Variants in MED12L observed in about 807,000 individuals in gnomAD.
MED12L encodes the protein mediator complex subunit 12L.
A neutral mutation model predicts 281.3 loss-of-function variants in MED12L; 60 were observed. That is an observed-to-expected ratio of 0.21 (90% confidence interval 0.17 to 0.26). MED12L has a LOEUF of 0.26. MED12L is among the 10% of genes least tolerant of loss of function. MED12L has a pLI of 1.00. For missense variants in MED12L, 2,146 were observed against 2,680.9 expected, an observed-to-expected ratio of 0.80 and a Z score of 4.41; for synonymous variants, 974 against 987.2, an observed-to-expected ratio of 0.99 and a Z score of 0.25.
chr3:151,155,188 T>A (rs1719114117), intron 5 of MED12L, among the ~76,000 whole-genome samples: 1 of 152,176 alleles, frequency 6.6e-6, no homozygotes, highest in South Asian at 2.1e-4. Context: ...CAGCATTGTG[T>A]GGTAATGTTT....
chr3:151,195,405 A>T (rs1222802198), intron 16 of MED12L, among the ~76,000 whole-genome samples: 1 of 152,046 alleles, frequency 6.6e-6, no homozygotes, highest in Non-Finnish European at 1.5e-5. Context: ...TTGTCAAATT[A>T]TCAAACCCAT....
At chr3:151,131,921 A>G (rs1715458261) in intron 5 of MED12L, among the ~76,000 whole-genome samples, 1 of 152,198 alleles carries the variant, frequency 6.6e-6, no homozygotes, top group Admixed American at 6.5e-5. Context: ...ATGGATTATT[A>G]GGTTTAGTCA....
chr3:151,261,211 A>G (rs1738816591), intron 16 of MED12L, among the ~76,000 whole-genome samples: 1 of 152,098 alleles, frequency 6.6e-6, no homozygotes, highest in Non-Finnish European at 1.5e-5. Context: ...CAGATTAGAG[A>G]GGTATTTTGC....
intron 11 of MED12L, 128 bp downstream of exon 11, chr3:151,166,110 G>A (rs1720684885): frequency 2.9e-6 from 2 of 692,048 alleles, no homozygotes; most frequent in Non-Finnish European, 4.6e-6. Flanking sequence ...ATACACACTT[G>A]AAATCATTCT....
intron 24 of MED12L, 115 bp from the exon 25 acceptor site, chr3:151,368,035 C>A (rs543180307): frequency 1.5e-5 from 14 of 941,212 alleles, no homozygotes; most frequent in African/African-American, 1.4e-4. Flanking sequence ...TATTTTCTTA[C>A]CATAAGGAAA....
chr3:151,114,785 G>C (rs1271496131), intron 2 of MED12L, among the ~76,000 whole-genome samples: 2 of 151,222 alleles, frequency 1.3e-5, no homozygotes, highest in African/African-American at 4.9e-5. Flanking sequence ...TAAAGCCTTG[G>C]GTTATTTTTG....
At chr3:151,294,300 A>G (rs1453957585) in intron 16 of MED12L, 2 of 1,614,158 alleles carry the variant, frequency 1.2e-6, no homozygotes, top group South Asian at 1.1e-5. Flanking sequence ...CTACACATGA[A>G]AAAGTAAATT....
At chr3:151,123,571 A>T (rs527606958) in intron 4 of MED12L, among the ~76,000 whole-genome samples, 1 of 152,312 alleles carries the variant, frequency 6.6e-6, no homozygotes, top group South Asian at 2.1e-4. Context: ...TAGATTCAAC[A>T]ATCTTGTGGT....
At chr3:151,248,100 A>G (rs1736090515) in intron 16 of MED12L, among the ~76,000 whole-genome samples, 1 of 151,608 alleles carries the variant, frequency 6.6e-6, no homozygotes, top group African/African-American at 2.4e-5. Context: ...ACACAATAAT[A>G]TTCCTTGTCC....
At chr3:151,326,462 A>AGGAG (rs1417114839) in intron 16 of MED12L, 2 of 152,762 alleles carry the variant, frequency 1.3e-5, no homozygotes, top group African/African-American at 4.8e-5. Flanking sequence ...CAGCATACAG[A>AGGAG]GGAGGGGGTG....
chr3:151,189,904 T>C (rs967477675), intron 13 of MED12L, among the ~76,000 whole-genome samples: 50 of 152,240 alleles, frequency 3.3e-4, no homozygotes, highest in African/African-American at 1.0e-3. Context: ...TTGTGTTCTT[T>C]TTATTCAGTT....
rs985316462 is a variant in MED12L, at chr3:151,433,935, C to T, written c.*1131C>T. The stretch of plus-strand genomic sequence containing the variant: ...CAAATTTATTATAAAGAAATAGTAA[C>T]TATTTTAACTTTGTTCAAGTATGTG... On this transcript the variant is annotated 3_prime_UTR_variant, in exon 45 of 45. Coordinates refer to ENST00000687756, the MANE Select transcript of MED12L (RefSeq NM_001393769.1). 2 of 152,522 alleles carry T rather than the reference C, an allele frequency of 1.3e-5. No homozygotes were observed. The highest frequency in any genetic ancestry group is 3.8e-4 in the East Asian group (2 of 5,196). 9.4% of individuals were successfully genotyped at this position (152,522 alleles called of 1,614,324 possible). A position where few individuals can be genotyped will look rare whatever the true frequency, so the allele number is the denominator to read the frequency against.
At chr3:151,322,011 C>T (rs2149826476) in intron 16 of MED12L, among the ~76,000 whole-genome samples, 2 of 152,294 alleles carry the variant, frequency 1.3e-5, no homozygotes, top group South Asian at 4.1e-4. Context: ...AGTTTCTGAC[C>T]AAGGCTGAGT....
intron 16 of MED12L, among the ~76,000 whole-genome samples, chr3:151,320,205 A>G (rs896699494): frequency 2.0e-5 from 3 of 152,106 alleles, no homozygotes; most frequent in Non-Finnish European, 1.5e-5. Context: ...ATTTTTCTGT[A>G]TCACTAATCT....
chr3:151,199,213 T>G (rs3773614), intron 16 of MED12L: 126,366 of 1,613,886 alleles, frequency 0.078, 5,974 homozygotes, highest in African/African-American at 0.2. Flanking sequence ...GGAAATCGGC[T>G]GTAAGCAAAT....
chr3:151,207,183 G>C (rs996735886), intron 16 of MED12L, among the ~76,000 whole-genome samples: 4 of 152,042 alleles, frequency 2.6e-5, no homozygotes, highest in African/African-American at 9.6e-5. Flanking sequence ...TCAGCCTCCT[G>C]AGTAACTAGG....
chr3:151,193,093 T>G (rs918366836), intron 15 of MED12L, among the ~76,000 whole-genome samples: 1 of 152,204 alleles, frequency 6.6e-6, no homozygotes, highest in Non-Finnish European at 1.5e-5. Context: ...AAAAAAAAAT[T>G]GTTTGGAGTA....
At chr3:151,299,985 T>C in intron 16 of MED12L, 1 of 974,768 alleles carries the variant, frequency 1.0e-6, no homozygotes, top group Admixed American at 1.7e-5. Flanking sequence ...CTCTGACCAT[T>C]AAACTCCCCA....
At chr3:151,305,743 G>A (rs1274447124) in intron 16 of MED12L, among the ~76,000 whole-genome samples, 2 of 151,898 alleles carry the variant, frequency 1.3e-5, no homozygotes, top group Non-Finnish European at 2.9e-5. Flanking sequence ...GACAGGAAGT[G>A]GGAGGGGGGC....
Sources: gnomAD v4.1 joint callset for allele counts (sites outside exome capture counted in the v4.1 genomes callset) on GRCh38, gnomAD v4.1.1 for gene constraint, MANE v1.5 for transcripts, NCBI Gene and HGNC (gene_info 2026-07-23, HGNC 2026-07-21) for gene names.